CLUH: variants seen among roughly 807,000 people sequenced by gnomAD.
The protein encoded by CLUH is CLUH binding protein of NUMT mRNA.
In CLUH, 77 loss-of-function variants were observed where a neutral mutation model predicts 139.3. That is an observed-to-expected ratio of 0.55 (90% CI 0.46 to 0.67). The LOEUF is 0.67. Ranked by LOEUF, CLUH falls within the 30% of genes least tolerant of loss-of-function variation. The probability of loss-of-function intolerance (pLI) is 0.00; values close to 1 mark genes in which losing one functional copy is unlikely to be tolerated. For synonymous variants in CLUH, 999 were observed against 801.6 expected (o/e 1.25, Z -4.16); for missense variants, 1,876 against 1,875.8 (o/e 1.00, Z 0.00).
chr17:2,707,899 T>G lies in CLUH; in HGVS notation c.101-3335A>C. Reference sequence around the variant, plus strand: ...CTGGTTCTGGTGGAAGGGAGGGGGATGGGCCCCCAGCTTCCCAGAGGACAA... The same window carrying G: ...CTGGTTCTGGTGGAAGGGAGGGGGAGGGGCCCCCAGCTTCCCAGAGGACAA... On this transcript the variant is annotated intron_variant, in intron 1 of 25. Transcript: ENST00000651024. The surrounding 1 kb of genome is among the most constrained non-coding windows in gnomAD (Gnocchi z 7.4). 1 of 985,386 alleles carries G rather than the reference T, an allele frequency of 1.0e-6. No homozygotes were observed. Among genetic ancestry groups the G allele is most frequent in the Non-Finnish European group, 1.2e-6 (1 of 829,902 alleles). The allele number at this position is 985,386 out of a possible 1,614,324, so 61.0% of individuals were successfully genotyped here.
chr17:2,700,489 G>T lies in CLUH; in HGVS notation c.1174-15C>A. 4 of 1,607,102 alleles carry T rather than the reference G, an allele frequency of 2.5e-6. No individual in the cohort carries two copies. The highest frequency in any genetic ancestry group is 3.4e-6 in the Non-Finnish European group (4 of 1,177,836). On this transcript the variant is annotated splice_polypyrimidine_tract_variant and intron_variant, in intron 8 of 25. Coordinates refer to ENST00000651024, the MANE Select transcript of CLUH (RefSeq NM_001366661.1). ...CAGTCTCGGGTCTGCAGAGAGATCAGGGAGGGAAAAACGAGCTCAGCCTGT... is the reference window on the plus strand; with the variant it reads ...CAGTCTCGGGTCTGCAGAGAGATCATGGAGGGAAAAACGAGCTCAGCCTGT...
Position 2,693,889 on chromosome 17 carries a change from CCA to C in CLUH, c.3231+9_3231+10del. ...GAGGCCAGGCCTTTGCTGCCACAGCCCAGAGGGTACCTCTGCGTAGTCGCCCA... is the reference window on the plus strand; with the variant it reads ...GAGGCCAGGCCTTTGCTGCCACAGCCGAGGGTACCTCTGCGTAGTCGCCCA... On this transcript the variant is annotated intron_variant, in intron 19 of 25. Coordinates refer to ENST00000651024, the MANE Select transcript of CLUH (RefSeq NM_001366661.1). 1 of 1,604,330 alleles carries C rather than the reference CCA, an allele frequency of 6.2e-7. No homozygotes were observed. Among genetic ancestry groups the C allele is most frequent in the East Asian group, 2.3e-5 (1 of 44,390 alleles).
intron 1 of CLUH, chr17:2,711,013 G>C (rs1247879422): frequency 6.6e-6 from 1 of 152,454 alleles, no homozygotes; most frequent in Non-Finnish European, 1.5e-5. Flanking sequence ...TGGCCTCAGG[G>C]CATGAACCAG....
rs746386839 is a variant in CLUH at position 2,696,904 on chromosome 17, A to T, written c.2000T>A (p.Met667Lys). 1 of 1,609,078 alleles carries T rather than the reference A, an allele frequency of 6.2e-7. No homozygotes were observed. The highest frequency in any genetic ancestry group is 1.3e-5 in the African/African-American group (1 of 74,980). Reference protein sequence around the residue: ...LFMKLAALQLMQQNASQLETP... With the variant: ...LFMKLAALQLKQQNASQLETP... ...CTCCAGCTGGCTGGCGTTCTGCTGC[A>T]TCAGCTGCAAGGCGGCCAGCTTCAT... is the stretch of plus-strand genomic sequence containing the variant. Residue 667 changes from methionine (M) to lysine (K), a missense_variant, in exon 11 of 26, where the codon ATG becomes AAG. By Grantham distance (95) the Met-to-Lys change is moderately conservative. Around this residue, in one of 3 missense-constraint regions of CLUH, gnomAD observed 1,454 missense variants for 1,384.4 expected, o/e 1.05. Transcript: ENST00000651024.
chr17:2,697,846 G>A (rs928960919), intron 10 of CLUH, 50 bp downstream of exon 10: 3 of 1,430,560 alleles, frequency 2.1e-6, no homozygotes, highest in Non-Finnish European at 2.7e-6. Context: ...CAGGGCGCCC[G>A]CACTCCCTGC....
chr17:2,707,492 A>G lies in CLUH; in HGVS notation c.101-2928T>C, dbSNP rs540694378. 2.8e-5 allele frequency: 28 copies of G among 985,364 alleles called. No homozygotes were observed. The East Asian group carries it at 2.7e-3, about 96-fold the overall frequency. 61.0% of individuals were successfully genotyped at this position (985,364 alleles called of 1,614,324 possible). ...CCCCAGGACCCCAGGGGGAGCTGCT[A>G]TCAGCACTCAGGCCCACCTCCCTAT... On this transcript the variant is annotated intron_variant, in intron 1 of 25. Coordinates refer to ENST00000651024, the MANE Select transcript of CLUH (RefSeq NM_001366661.1). This position sits in a 1 kb window ranked among gnomAD's most constrained non-coding sequence, Gnocchi z 7.4.
chr17:2,703,441 G>A lies in CLUH; in HGVS notation c.352C>T (p.Arg118Trp), dbSNP rs567580688. The A allele has an allele frequency of 6.2e-7, 1 of 1,613,638 alleles. No individual in the cohort carries two copies. Among genetic ancestry groups the A allele is most frequent in the Non-Finnish European group, 8.5e-7 (1 of 1,179,852 alleles). ...CAGGTGCGGTGACACGTGTCCTCCC[G>A]GTCCATGAGCACCTGGTGAATCTCC... Reference protein sequence around the residue: ...VQEIHQVLMDREDTCHRTCFS... With the variant: ...VQEIHQVLMDWEDTCHRTCFS... Residue 118 changes from arginine to tryptophan, a missense_variant, in exon 3 of 26, where the codon CGG (arginine) becomes TGG (tryptophan). By Grantham distance (101) the Arg-to-Trp change is moderately radical. Coordinates refer to ENST00000651024, the MANE Select transcript of CLUH (RefSeq NM_001366661.1). This position sits in a 1 kb window ranked among gnomAD's most constrained non-coding sequence, Gnocchi z 4.2.
rs1240426817 is a variant in CLUH at position 2,692,116 on chromosome 17, C to T, written c.3561-19G>A. The T allele has an allele frequency of 4.4e-5, 70 of 1,585,636 alleles. No homozygotes were observed. The highest frequency in any genetic ancestry group is 5.8e-5 in the Non-Finnish European group (68 of 1,166,936). On this transcript the variant is annotated intron_variant, in intron 22 of 25. Transcript: ENST00000651024. ...GTGGTGGCTGCCGGGAGGCGCGGCGCGGGGCGAGGGAAGGGCATAAGTGGG... is the reference window on the plus strand; with the variant it reads ...GTGGTGGCTGCCGGGAGGCGCGGCGTGGGGCGAGGGAAGGGCATAAGTGGG...
rs1294272204 is a variant in CLUH at position 2,692,631 on chromosome 17, G to A, written c.3378C>T (p.Arg1126=). 6.2e-7 allele frequency: 1 copy of A among 1,612,946 alleles called. No homozygotes were observed. Among genetic ancestry groups the A allele is most frequent in the Non-Finnish European group, 8.5e-7 (1 of 1,179,606 alleles). Residue 1126 remains arginine (R), a synonymous_variant, in exon 21 of 26, where the codon CGC becomes CGT. Coordinates refer to ENST00000651024, the MANE Select transcript of CLUH (RefSeq NM_001366661.1). The stretch of plus-strand genomic sequence containing the variant: ...ACACCAGCAGCATGAGGTAGCGGGC[G>A]CGGTACAGCAGGCTCAGGGCGGTGG... ...QLSTALSLLY[R]ARYLMLLVFG...
rs542060807 is a variant in CLUH, at chr17:2,689,514, C to G, written c.*1080G>C. 4 of 152,844 alleles carry G rather than the reference C, an allele frequency of 2.6e-5. No homozygotes were observed. The highest frequency in any genetic ancestry group is 2.1e-4 in the South Asian group (1 of 4,832). 9.5% of individuals were successfully genotyped at this position (152,844 alleles called of 1,614,324 possible). A position where few individuals can be genotyped will look rare whatever the true frequency, so the allele number is the denominator to read the frequency against. ...CCGCTCACGCCCATCCCCCTTGAAA[C>G]AAGGTGTCTGGACGGACCACACCCA... On this transcript the variant is annotated 3_prime_UTR_variant, in exon 26 of 26. Transcript: ENST00000651024.
chr17:2,697,975 G>T lies in CLUH; in HGVS notation c.1882C>A (p.Arg628Ser), dbSNP rs771613561. ...CGGTGGGCGCGGGGGAAGCCGGCGCGGGCGCATTCCTCAGGCAGCTCCTCG... is the reference window on the plus strand; with the variant it reads ...CGGTGGGCGCGGGGGAAGCCGGCGCTGGCGCATTCCTCAGGCAGCTCCTCG... ...PGEELPEECA[R>S]AGFPRAHRHK... The change falls in exon 10 of 26, where the codon CGC (arginine) becomes AGC (serine). Residue 628 changes from arginine (R) to serine (S), a missense_variant. By Grantham distance (110) the Arg-to-Ser change is moderately radical. This residue lies in a region of CLUH where 1,454 missense variants were observed against 1,384.4 expected (regional missense o/e 1.05). Coordinates refer to ENST00000651024, the MANE Select transcript of CLUH (RefSeq NM_001366661.1). 6 of 1,582,300 alleles carry T rather than the reference G, an allele frequency of 3.8e-6. No individual in the cohort carries two copies. Among genetic ancestry groups the T allele is most frequent in the Non-Finnish European group, 4.3e-6 (5 of 1,169,848 alleles).
At position 2,701,632 on chromosome 17, in the gene CLUH, G is replaced by A; in HGVS notation, c.725C>T (p.Pro242Leu). 6.2e-7 allele frequency: 1 copy of A among 1,608,246 alleles called. No individual in the cohort carries two copies. The highest frequency in any genetic ancestry group is 8.5e-7 in the Non-Finnish European group (1 of 1,177,364). Residue 242 changes from proline (P) to leucine (L), a missense_variant, in exon 5 of 26, where the codon CCC becomes CTC. By Grantham distance (98) the Pro-to-Leu change is moderately conservative. Coordinates refer to ENST00000651024, the MANE Select transcript of CLUH (RefSeq NM_001366661.1). ...SRERPLCPLQ[P>L]QNRDWKPLQC... Reference sequence around the variant, plus strand: ...TCCTACCTTCCAGTCACGGTTTTGGGGCTGCAGGGGACACAGTGGCCGCTC... The same window carrying A: ...TCCTACCTTCCAGTCACGGTTTTGGAGCTGCAGGGGACACAGTGGCCGCTC...
At chr17:2,705,421 C>A (rs2151721372) in intron 1 of CLUH, among the ~76,000 whole-genome samples, 1 of 152,238 alleles carries the variant, frequency 6.6e-6, no homozygotes, top group South Asian at 2.1e-4. Context: ...TCAGCTCCTG[C>A]CTGCTCCCTG....
In CLUH at chr17:2,694,533, C is replaced by G. The variant is rs535658672; in HGVS notation, c.2884G>C (p.Gly962Arg). Residue 962 changes from glycine (G) to arginine (R), a missense_variant, in exon 17 of 26, where the codon GGC (glycine) becomes CGC (arginine). By Grantham distance (125) the Gly-to-Arg change is moderately radical (BLOSUM62 -2). Coordinates refer to ENST00000651024, the MANE Select transcript of CLUH (RefSeq NM_001366661.1). ...ETVDQAVETY[G>R]LQKITLLREI... ...CGCAGGAGCGTTATCTTCTGCAGGC[C>G]GTAGGTCTCCACAGCCTGGTCCACG... 1.3e-6 allele frequency: 2 copies of G among 1,582,562 alleles called. No homozygotes were observed. The highest frequency in any genetic ancestry group is 8.6e-7 in the Non-Finnish European group (1 of 1,164,870).
chr17:2,691,301 C>T (rs2069618800), intron 25 of CLUH, among the ~76,000 whole-genome samples: 1 of 151,976 alleles, frequency 6.6e-6, no homozygotes, highest in African/African-American at 2.4e-5. Flanking sequence ...CGATGGCTCA[C>T]GCCTGGAATC....
intron 1 of CLUH, among the ~76,000 whole-genome samples, chr17:2,709,409 G>A (rs543635181): frequency 3.2e-4 from 49 of 152,150 alleles, no homozygotes; most frequent in Middle Eastern, 3.4e-3. Flanking sequence ...AGGCGTTCAG[G>A]GCCTGAGGAC....
In CLUH at chr17:2,702,047, C is replaced by T. The variant is rs201402087; in HGVS notation, c.486G>A (p.Thr162=). The change falls in exon 4 of 26, where the codon ACG becomes ACA. Residue 162 remains threonine (T), a synonymous_variant. Transcript: ENST00000651024. ...GCACGTGGATGCGGGCCTCACGCAC[C>T]GTGTACGGCTCTGTCAGGAAGGCAG... ...SVLRVVEEPY[T]VREARIHVRH... 136 of 1,613,484 alleles carry T rather than the reference C, an allele frequency of 8.4e-5. No individual in the cohort carries two copies. The African/African-American group carries it at 8.8e-4, about 10-fold the overall frequency.
chr17:2,691,966 CG>C, intron 23 of CLUH, 37 bp downstream of exon 23: 7 of 675,182 alleles, frequency 1.0e-5, no homozygotes, highest in Middle Eastern at 6.7e-4. Flanking sequence ...GCCACGCCCC[CG>C]CCCCGCCCCC....
In CLUH at chr17:2,711,570, C is replaced by G. The variant is rs1424695138; in HGVS notation, c.92G>C (p.Gly31Ala). 6 of 980,964 alleles carry G rather than the reference C, an allele frequency of 6.1e-6. No individual in the cohort carries two copies. The East Asian group carries it at 6.9e-4, about 112-fold the overall frequency. 60.8% of individuals were successfully genotyped at this position (980,964 alleles called of 1,614,324 possible). A position where few individuals can be genotyped will look rare whatever the true frequency, so the allele number is the denominator to read the frequency against. ...GSQAGGKGRP[G>A]AAELPSVMLL... Reference sequence around the variant, plus strand: ...GCCCTGGCCCCGCTCACCGGCCGCGCCCGGCCGCCCCTTGCCCCCGGCCTG... The same window carrying G: ...GCCCTGGCCCCGCTCACCGGCCGCGGCCGGCCGCCCCTTGCCCCCGGCCTG... Residue 31 changes from glycine to alanine, a missense_variant, in exon 1 of 26, where the codon GGC becomes GCC. Transcript: ENST00000651024.
Sources: gnomAD v4.1 joint callset for allele counts (sites outside exome capture counted in the v4.1 genomes callset) on GRCh38, gnomAD v4.1.1 for gene constraint, gnomAD v4.1.1 regional missense constraint, Gnocchi (gnomAD v3.1) non-coding constraint, MANE v1.5 for transcripts, NCBI Gene and HGNC (gene_info 2026-07-23, HGNC 2026-07-21) for gene names.